SZRD1: variants seen among roughly 807,000 people sequenced by gnomAD.
The protein encoded by SZRD1 is SUZ RNA-binding domain-containing.
SZRD1 carries 7 observed loss-of-function variants against 17.6 expected under a neutral mutation model. The observed-to-expected ratio is 0.40, with a 90% CI of 0.23 to 0.75. SZRD1 has a LOEUF of 0.75. Among genes scored for constraint, SZRD1 ranks in the 30% least tolerant of loss-of-function variants. The probability of loss-of-function intolerance (pLI) is 0.38; values close to 1 mark genes in which losing one functional copy is unlikely to be tolerated. For missense variants in SZRD1, 178 were observed against 201.8 expected (o/e 0.88, Z 0.71); for synonymous variants, 77 against 77.9 (o/e 0.99, Z 0.06).
rs2085245748 is a variant in SZRD1, at chr1:16,393,209, T to C, written c.102-19T>C. The C allele has an allele frequency of 6.2e-7, 1 of 1,611,006 alleles. No homozygotes were observed. Among genetic ancestry groups the C allele is most frequent in the African/African-American group, 1.3e-5 (1 of 74,878 alleles). On this transcript the variant is annotated intron_variant, in intron 2 of 3. Transcript: ENST00000401088. The surrounding 1 kb of genome is among the most constrained non-coding windows in gnomAD (Gnocchi z 5.6). ...TAGTCAGGAGCATGATTTGTGAAGCTGTGTTTGCTCTTTGTCAGCAGGAAA... is the reference window on the plus strand; with the variant it reads ...TAGTCAGGAGCATGATTTGTGAAGCCGTGTTTGCTCTTTGTCAGCAGGAAA...
chr1:16,395,277 G>C lies in SZRD1; in HGVS notation c.*137G>C. The C allele has an allele frequency of 1.4e-6, 1 of 714,014 alleles. No homozygotes were observed. Among genetic ancestry groups the C allele is most frequent in the Non-Finnish European group, 2.6e-6 (1 of 385,786 alleles). 44.2% of individuals were successfully genotyped at this position (714,014 alleles called of 1,614,324 possible). A position where few individuals can be genotyped will look rare whatever the true frequency, so the allele number is the denominator to read the frequency against. On this transcript the variant is annotated 3_prime_UTR_variant, in exon 4 of 4. Coordinates refer to ENST00000401088, the MANE Select transcript of SZRD1 (RefSeq NM_001114600.3). ...ACTTACTTGCACTGTGATCCCCCTT[G>C]CTCCGCCCACTGTGACCTTGAACCC...
rs1380601746 is a variant in SZRD1 at position 16,396,259 on chromosome 1, A to G, written c.*1119A>G. ...ATGGCTTGAACTCTTAGGGGTCTGCAGTGCTCCATCTCCATTGGTGGCCCC... is the reference window on the plus strand; with the variant it reads ...ATGGCTTGAACTCTTAGGGGTCTGCGGTGCTCCATCTCCATTGGTGGCCCC... On this transcript the variant is annotated 3_prime_UTR_variant, in exon 4 of 4. Transcript: ENST00000401088. 6.6e-6 allele frequency: 1 copy of G among 152,380 alleles called. No individual in the cohort carries two copies. Among genetic ancestry groups the G allele is most frequent in the Non-Finnish European group, 1.5e-5 (1 of 68,162 alleles). The allele number at this position is 152,380 out of a possible 1,614,324, so 9.4% of individuals were successfully genotyped here. A position where few individuals can be genotyped will look rare whatever the true frequency, so the allele number is the denominator to read the frequency against.
intron 1 of SZRD1, among the ~76,000 whole-genome samples, 182 bp downstream of exon 1, chr1:16,367,490 TTC>T (rs149335138): frequency 0.081 from 12,379 of 152,228 alleles, 688 homozygotes; most frequent in Non-Finnish European, 0.12. Context: ...CGCGATCCAT[TTC>T]TCTCCTTTCC....
chr1:16,390,057 T>C, intron 1 of SZRD1, among the ~76,000 whole-genome samples: 1 of 152,212 alleles, frequency 6.6e-6, no homozygotes, highest in Middle Eastern at 3.2e-3. Context: ...GGACAGAATC[T>C]TATCTGGTTG....
At chr1:16,390,360 G>A (rs1220362102) in intron 1 of SZRD1, among the ~76,000 whole-genome samples, 1 of 152,236 alleles carries the variant, frequency 6.6e-6, no homozygotes, top group Non-Finnish European at 1.5e-5. Context: ...TGAGCCCAAT[G>A]TCCTGCTCAG....
chr1:16,379,220 C>G (rs1466384253), intron 1 of SZRD1, among the ~76,000 whole-genome samples: 2 of 150,410 alleles, frequency 1.3e-5, no homozygotes, highest in Non-Finnish European at 3.0e-5. Context: ...CTGGGATTCA[C>G]GCCATTCTCC....
chr1:16,392,038 C>G (rs960858510), intron 2 of SZRD1, among the ~76,000 whole-genome samples: 12 of 152,092 alleles, frequency 7.9e-5, no homozygotes, highest in Admixed American at 6.6e-4. Flanking sequence ...TAGGGCCCCT[C>G]TGGATTTGCT....
At chr1:16,376,817 A>AC (rs1553158709) in intron 1 of SZRD1, among the ~76,000 whole-genome samples, 1 of 150,968 alleles carries the variant, frequency 6.6e-6, no homozygotes, top group African/African-American at 2.5e-5. Flanking sequence ...AAAAAAAAAA[A>AC]AAAAAAACGT....
intron 1 of SZRD1, among the ~76,000 whole-genome samples, chr1:16,383,910 G>A (rs1242440498): frequency 1.3e-5 from 2 of 151,480 alleles, no homozygotes; most frequent in East Asian, 1.9e-4. Context: ...GAGCCACCGC[G>A]GCTGGCCAGT....
chr1:16,372,059 C>G (rs530183287), intron 1 of SZRD1, among the ~76,000 whole-genome samples: 2 of 152,206 alleles, frequency 1.3e-5, no homozygotes, highest in African/African-American at 4.8e-5. Flanking sequence ...TGAGAAGTCC[C>G]TCACATATTC....
At chr1:16,376,152 C>T (rs1329749757) in intron 1 of SZRD1, among the ~76,000 whole-genome samples, 2 of 152,140 alleles carry the variant, frequency 1.3e-5, no homozygotes, top group Admixed American at 6.6e-5. Context: ...ATCATGTGGT[C>T]GGTCCAGCCC....
chr1:16,393,323 C>G lies in SZRD1; in HGVS notation c.197C>G (p.Pro66Arg). Residue 66 changes from proline to arginine, a missense_variant, in exon 3 of 4, where the codon CCC (proline) becomes CGC (arginine). This residue lies in a region of SZRD1 where 117 missense variants were observed against 108.7 expected (regional missense o/e 1.08). Coordinates refer to ENST00000401088, the MANE Select transcript of SZRD1 (RefSeq NM_001114600.3). The surrounding 1 kb of genome is among the most constrained non-coding windows in gnomAD (Gnocchi z 5.6). ...PPPQIRILKRPTSNGVVSSPN... is the reference protein window; with the variant it reads ...PPPQIRILKRRTSNGVVSSPN... ...CCACAGATCCGCATCCTCAAGAGGC[C>G]CACCAGCAACGGTGTGGTCAGCAGC... 6.2e-7 allele frequency: 1 copy of G among 1,614,216 alleles called. No individual in the cohort carries two copies. The highest frequency in any genetic ancestry group is 1.1e-5 in the South Asian group (1 of 91,084).
chr1:16,381,606 A>G (rs1437675645), intron 1 of SZRD1, among the ~76,000 whole-genome samples: 3 of 150,688 alleles, frequency 2.0e-5, no homozygotes, highest in African/African-American at 7.3e-5. Context: ...AGGTAGAGAG[A>G]TTTAAAAGAA....
intron 1 of SZRD1, among the ~76,000 whole-genome samples, chr1:16,390,280 G>C (rs529922166): frequency 1.3e-5 from 2 of 152,316 alleles, no homozygotes; most frequent in African/African-American, 4.8e-5. Context: ...CCTGGATATA[G>C]ATGCTCACAC....
At chr1:16,383,379 C>A (rs1021262371) in intron 1 of SZRD1, among the ~76,000 whole-genome samples, 1 of 151,870 alleles carries the variant, frequency 6.6e-6, no homozygotes, top group Non-Finnish European at 1.5e-5. Context: ...TGCCACCATG[C>A]CCAGCTAATT....
At chr1:16,367,622 ACT>A (rs1328002383) in intron 1 of SZRD1, 1 of 435,956 alleles carries the variant, frequency 2.3e-6, no homozygotes, top group Non-Finnish European at 4.1e-6. Context: ...GGCCTCTGTG[ACT>A]CTTTCCGATG....
chr1:16,381,596 A>G (rs935506185), intron 1 of SZRD1, among the ~76,000 whole-genome samples: 2 of 149,864 alleles, frequency 1.3e-5, no homozygotes, highest in African/African-American at 4.9e-5. Context: ...TCTTAAAGAT[A>G]GGTAGAGAGA....
chr1:16,384,367 G>A (rs1185863388), intron 1 of SZRD1, among the ~76,000 whole-genome samples: 6 of 142,834 alleles, frequency 4.2e-5, no homozygotes, highest in South Asian at 2.2e-4. Context: ...GCAAGACCCC[G>A]TCTCCACCAA....
intron 1 of SZRD1, among the ~76,000 whole-genome samples, chr1:16,382,761 T>G (rs931636463): frequency 1.5e-4 from 23 of 150,608 alleles, no homozygotes; most frequent in African/African-American, 5.1e-4. Flanking sequence ...CTCCCAGAGT[T>G]CTGGGATTAC....
Sources: allele counts gnomAD v4.1 joint callset (sites outside exome capture counted in the v4.1 genomes callset), GRCh38; gene constraint gnomAD v4.1.1; regional missense constraint gnomAD v4.1.1; non-coding constraint Gnocchi (gnomAD v3.1); transcripts MANE v1.5; gene names NCBI Gene and HGNC (gene_info 2026-07-23, HGNC 2026-07-21).